Variants in MARCHF10 observed in about 807,000 individuals in gnomAD.
MARCHF10 encodes the protein probable E3 ubiquitin-protein ligase MARCHF10.
In MARCHF10, 64 loss-of-function variants were observed where a neutral mutation model predicts 76.2. That is an observed-to-expected ratio of 0.84 (90% confidence interval 0.69 to 1.03). The LOEUF is 1.03. MARCHF10 is among the 50% of genes least tolerant of loss of function. The pLI, the probability that MARCHF10 is intolerant of heterozygous loss-of-function variation, is 0.00. For synonymous variants in MARCHF10, 340 were observed against 357.5 expected, an observed-to-expected ratio of 0.95 and a Z score of 0.55; for missense variants, 875 against 958.0, an observed-to-expected ratio of 0.91 and a Z score of 1.14.
At position 62,737,218 on chromosome 17, in the gene MARCHF10, C is replaced by T. The variant is rs2091311368; in HGVS notation, c.650G>A (p.Arg217Lys). 6.2e-7 allele frequency: 1 copy of T among 1,613,832 alleles called. No homozygotes were observed. The highest frequency in any genetic ancestry group is 1.3e-5 in the African/African-American group (1 of 74,860). The change falls in exon 6 of 11, where the codon AGA becomes AAA. Residue 217 changes from arginine to lysine, a missense_variant. Arg to Lys is a conservative substitution (Grantham distance 26). Coordinates refer to ENST00000311269, the MANE Select transcript of MARCHF10 (RefSeq NM_152598.4). The stretch of plus-strand genomic sequence containing the variant: ...AGCACTCGGGTCTCCTTTTTTGGCT[C>T]TATCAGGGGCGTTCTCAGTCATTGG... ...SQPMTENAPD[R>K]AKKGDPSAPS...
intron 3 of MARCHF10, among the ~76,000 whole-genome samples, chr17:62,761,797 T>C (rs1468053230): frequency 1.3e-5 from 2 of 152,184 alleles, no homozygotes; most frequent in African/African-American, 4.8e-5. Flanking sequence ...ATTTTAAGTA[T>C]GACACCTAAG....
At chr17:62,804,248 G>A (rs1055069366) in intron 1 of MARCHF10, among the ~76,000 whole-genome samples, 4 of 152,186 alleles carry the variant, frequency 2.6e-5, no homozygotes, top group South Asian at 4.1e-4. Flanking sequence ...TCTGCGGTGC[G>A]GCAAACGGAG....
intron 1 of MARCHF10, chr17:62,804,983 G>T (rs8068401): frequency 0.58 from 87,577 of 151,952 alleles, 25,228 homozygotes; most frequent in East Asian, 0.64. Flanking sequence ...AGGCCGCCCC[G>T]GACTCATGGT....
intron 4 of MARCHF10, among the ~76,000 whole-genome samples, chr17:62,751,687 T>C (rs769582850): frequency 2.0e-5 from 3 of 152,152 alleles, no homozygotes; most frequent in Non-Finnish European, 1.5e-5. Flanking sequence ...TAAAATCAGT[T>C]CCAAGTCTAA....
intron 6 of MARCHF10, 38 bp downstream of exon 6, chr17:62,735,893 G>A (rs750208408): frequency 3.6e-5 from 56 of 1,567,696 alleles, no homozygotes; most frequent in Non-Finnish European, 4.7e-5. Flanking sequence ...TTGGCCTTGG[G>A]AAAGTGGAAA....
intron 1 of MARCHF10, among the ~76,000 whole-genome samples, chr17:62,807,604 A>C (rs1233703850): frequency 2.6e-5 from 4 of 152,094 alleles, no homozygotes; most frequent in African/African-American, 9.7e-5. Context: ...CTTTACAAAT[A>C]ATTTAAAACA....
At chr17:62,766,508 AAAAG>A (rs2092335881) in intron 3 of MARCHF10, among the ~76,000 whole-genome samples, 1 of 150,250 alleles carries the variant, frequency 6.7e-6, no homozygotes, top group African/African-American at 2.5e-5. Flanking sequence ...CTCAAAAAAG[AAAAG>A]AAAAGAAAAA....
rs2092323312 is a variant in MARCHF10, at chr17:62,766,056, CATG to C, written c.211-6053_211-6051del. 1.3e-5 allele frequency among the ~76,000 whole-genome samples: 2 copies of C among 151,412 alleles called. 1 individual carries two copies. The highest frequency in any genetic ancestry group is 4.2e-4 in the South Asian group (2 of 4,810). ...AAAAAATAAAAAAAAATTAGCCAGG[CATG>C]GTGGTGTGCACTCATATTCCCAGCT... is the stretch of plus-strand genomic sequence containing the variant. On this transcript the variant is annotated intron_variant, in intron 3 of 10. Transcript: ENST00000311269.
chr17:62,801,251 C>T (rs754443465), intron 2 of MARCHF10, among the ~76,000 whole-genome samples: 9 of 152,014 alleles, frequency 5.9e-5, no homozygotes, highest in East Asian at 3.9e-4. Context: ...CTCTGCCTCC[C>T]GGGTTCAAGC....
chr17:62,704,571 G>C (rs2089459695), intron 10 of MARCHF10, among the ~76,000 whole-genome samples: 1 of 152,186 alleles, frequency 6.6e-6, no homozygotes, highest in African/African-American at 2.4e-5. Flanking sequence ...GAGCTGGTTC[G>C]CGCCTTCCAG....
intron 3 of MARCHF10, among the ~76,000 whole-genome samples, chr17:62,774,959 C>T (rs2092520450): frequency 6.6e-6 from 1 of 151,910 alleles, no homozygotes; most frequent in East Asian, 2.0e-4. Flanking sequence ...GAGCCTGAGG[C>T]AAGAGAATCA....
chr17:62,802,692 C>T (rs1332946232), intron 1 of MARCHF10, among the ~76,000 whole-genome samples: 1 of 152,102 alleles, frequency 6.6e-6, no homozygotes, highest in Non-Finnish European at 1.5e-5. Flanking sequence ...CTGGGTTTGA[C>T]AGAGTGAGCT....
At chr17:62,782,075 T>A (rs966128203) in intron 3 of MARCHF10, among the ~76,000 whole-genome samples, 3 of 152,152 alleles carry the variant, frequency 2.0e-5, no homozygotes, top group African/African-American at 7.2e-5. Flanking sequence ...CACTGAGCTA[T>A]ATATCATTCT....
chr17:62,766,374 C>T (rs540868819), intron 3 of MARCHF10, among the ~76,000 whole-genome samples: 6 of 152,042 alleles, frequency 3.9e-5, no homozygotes, highest in Non-Finnish European at 8.8e-5. Context: ...GTGGTGCATG[C>T]CTGTAATCCC....
At chr17:62,715,036 C>T (rs553844205) in intron 8 of MARCHF10, among the ~76,000 whole-genome samples, 37 of 152,154 alleles carry the variant, frequency 2.4e-4, no homozygotes, top group Non-Finnish European at 4.3e-4. Flanking sequence ...CGTGAGTCAC[C>T]GCGCCTGGCC....
In MARCHF10 at chr17:62,738,093, C is replaced by CACACAT. The variant is rs1303383291; in HGVS notation, c.536-762_536-761insATGTGT. 6.6e-6 allele frequency among the ~76,000 whole-genome samples: 1 copy of CACACAT among 151,426 alleles called. No individual in the cohort carries two copies. Among genetic ancestry groups the CACACAT allele is most frequent in the African/African-American group, 2.4e-5 (1 of 41,138 alleles). On this transcript the variant is annotated intron_variant, in intron 5 of 10. Coordinates refer to ENST00000311269, the MANE Select transcript of MARCHF10 (RefSeq NM_152598.4). This position sits in a 1 kb window ranked among gnomAD's most constrained non-coding sequence, Gnocchi z 4.0. ...ACACACACACACACACACACACACA[C>CACACAT]ACACACAACTTAAGCCTCACAACCC...
intron 2 of MARCHF10, among the ~76,000 whole-genome samples, chr17:62,793,531 A>ACCACCACCACCACCTCCACTG (rs1167785261): frequency 8.9e-6 from 1 of 112,266 alleles, no homozygotes; most frequent in Admixed American, 8.9e-5. Flanking sequence ...CACCTCCATC[A>ACCACCACCACCACCTCCACTG]CCACCACCAC....
At chr17:62,702,860 A>C (rs2089330131) in intron 10 of MARCHF10, among the ~76,000 whole-genome samples, 1 of 151,956 alleles carries the variant, frequency 6.6e-6, no homozygotes, top group African/African-American at 2.4e-5. Context: ...CTTTCTCCAA[A>C]AGCCAGTAGC....
intron 6 of MARCHF10, among the ~76,000 whole-genome samples, chr17:62,734,700 C>G (rs924352642): frequency 3.3e-5 from 5 of 151,564 alleles, no homozygotes; most frequent in African/African-American, 1.2e-4. Flanking sequence ...TTAATATTTC[C>G]CAAAAGGAAC....
Sources: gnomAD v4.1 joint callset for allele counts (sites outside exome capture counted in the v4.1 genomes callset) on GRCh38, gnomAD v4.1.1 for gene constraint, Gnocchi (gnomAD v3.1) non-coding constraint, MANE v1.5 for transcripts, NCBI Gene and HGNC (gene_info 2026-07-23, HGNC 2026-07-21) for gene names.